The following ANO3 variants were observed in gnomAD, a reference collection of about 807,000 sequenced individuals.
ANO3 encodes anoctamin-3.
In ANO3, 99 loss-of-function variants were observed where a neutral mutation model predicts 144.8. The ratio of observed to expected loss-of-function variants is 0.68; its 90% CI spans 0.58 to 0.81. The LOEUF is 0.81. Ranked by LOEUF, ANO3 falls within the 30% of genes least tolerant of loss-of-function variation. The pLI is 0.00. For missense variants in ANO3, 905 were observed against 1,202.2 expected (o/e 0.75, Z 3.66); for synonymous variants, 414 against 392.6 (o/e 1.05, Z -0.64).
At chr11:26,498,317 A>T (rs1861048690) in intron 4 of ANO3, among the ~76,000 whole-genome samples, 1 of 151,860 alleles carries the variant, frequency 6.6e-6, no homozygotes, top group African/African-American at 2.4e-5. Flanking sequence ...TATGATTCAC[A>T]GAGTGTTCAA....
chr11:26,280,306 T>C lies in ANO3; in HGVS notation c.155-29339T>C, dbSNP rs533062389. ...ATTCCTAAATCCTAGTGTATTAAGG[T>C]TCTCTAGCAGGACAGAACTAATAGG... On this transcript the variant is annotated intron_variant, in intron 1 of 27. Coordinates refer to the ANO3 transcript ENST00000672621. Among the ~76,000 whole-genome samples, 11 of 152,204 alleles carry C rather than the reference T, an allele frequency of 7.2e-5. 1 individual carries two copies. In the South Asian group the frequency reaches 1.9e-3, roughly 26 times the overall value.
chr11:26,282,606 A>G (rs1853705037), intron 1 of ANO3, among the ~76,000 whole-genome samples: 1 of 152,116 alleles, frequency 6.6e-6, no homozygotes, highest in Non-Finnish European at 1.5e-5. Context: ...GGAATTGTGT[A>G]GGCCATTTTG....
At chr11:26,365,954 TTATATATATATATATATA>T (rs1158168765) in intron 1 of ANO3, among the ~76,000 whole-genome samples, 34 of 54,404 alleles carry the variant, frequency 6.2e-4, no homozygotes, top group African/African-American at 1.0e-3. Flanking sequence ...CATTTTTTCT[TTATATATATATATATATA>T]TATATATATA....
intron 1 of ANO3, among the ~76,000 whole-genome samples, chr11:26,189,968 A>C (rs554284353): frequency 6.6e-6 from 1 of 152,258 alleles, no homozygotes; most frequent in Non-Finnish European, 1.5e-5. Flanking sequence ...CATTCATCAA[A>C]AAATTCTGAG....
chr11:26,310,581 G>A (rs547702312), intron 1 of ANO3, among the ~76,000 whole-genome samples: 5 of 152,150 alleles, frequency 3.3e-5, no homozygotes, highest in African/African-American at 1.2e-4. Flanking sequence ...TGACTGACTC[G>A]CCTTGCCTTG....
intron 13 of ANO3, among the ~76,000 whole-genome samples, chr11:26,553,607 A>G (rs1850000796): frequency 6.6e-6 from 1 of 152,160 alleles, no homozygotes; most frequent in Non-Finnish European, 1.5e-5. Context: ...ATGTAATTAT[A>G]TCTAGATTCT....
chr11:26,280,944 T>C (rs1853664582), intron 1 of ANO3, among the ~76,000 whole-genome samples: 1 of 152,192 alleles, frequency 6.6e-6, no homozygotes, highest in African/African-American at 2.4e-5. Flanking sequence ...GCCAGAGATC[T>C]GACAGGCTCA....
intron 17 of ANO3, among the ~76,000 whole-genome samples, chr11:26,607,058 A>T (rs1429516599): frequency 6.6e-6 from 1 of 151,922 alleles, no homozygotes; most frequent in Non-Finnish European, 1.5e-5. Flanking sequence ...GAAATTCCAT[A>T]TGATATTATA....
intron 1 of ANO3, among the ~76,000 whole-genome samples, chr11:26,273,305 A>C (rs1197914134): frequency 1.3e-5 from 2 of 151,342 alleles, no homozygotes; most frequent in African/African-American, 4.9e-5. Flanking sequence ...AAGGCATCCA[A>C]GTGGTCTATT....
intron 17 of ANO3, among the ~76,000 whole-genome samples, chr11:26,614,078 TC>T: frequency 6.6e-6 from 1 of 152,312 alleles, no homozygotes; most frequent in Admixed American, 6.5e-5. Flanking sequence ...TAGCAAGCTG[TC>T]CTGGGGATAC....
At chr11:26,233,521 G>C (rs528811365) in intron 1 of ANO3, among the ~76,000 whole-genome samples, 1 of 152,196 alleles carries the variant, frequency 6.6e-6, no homozygotes, top group Non-Finnish European at 1.5e-5. Flanking sequence ...AACCATTGTG[G>C]AAGACAGTGT....
intron 1 of ANO3, among the ~76,000 whole-genome samples, chr11:26,283,321 AATATATATATATATAT>A (rs58419788): frequency 3.7e-4 from 18 of 49,134 alleles, no homozygotes; most frequent in South Asian, 3.0e-3. Flanking sequence ...CAAATAAATA[AATATATATATATATAT>A]ATATATATAT....
At chr11:26,197,773 G>T (rs891008509) in intron 1 of ANO3, among the ~76,000 whole-genome samples, 1 of 152,104 alleles carries the variant, frequency 6.6e-6, no homozygotes. Context: ...TTCCCCTACC[G>T]CTTCTTTCTA....
chr11:26,308,137 G>A (rs928930993), upstream of ANO3, among the ~76,000 whole-genome samples: 1 of 152,062 alleles, frequency 6.6e-6, no homozygotes, highest in East Asian at 1.9e-4. Context: ...CATGTTGATG[G>A]CACAATTGGC....
chr11:26,553,156 G>C (rs936350771), intron 12 of ANO3, 93 bp from the exon 13 acceptor site: 23 of 906,104 alleles, frequency 2.5e-5, no homozygotes, highest in Middle Eastern at 2.5e-4. Flanking sequence ...TGCCTTGCTG[G>C]TTCCAACAGG....
intron 1 of ANO3, among the ~76,000 whole-genome samples, chr11:26,196,043 G>A (rs571069309): frequency 1.4e-4 from 21 of 152,086 alleles, no homozygotes; most frequent in African/African-American, 5.1e-4. Context: ...CCAGATTCCT[G>A]GGCCATTCAT....
At chr11:26,584,689 A>C (rs1851229051) in intron 14 of ANO3, among the ~76,000 whole-genome samples, 1 of 152,244 alleles carries the variant, frequency 6.6e-6, no homozygotes, top group Non-Finnish European at 1.5e-5. Context: ...AAAGTGCTGA[A>C]GATGCACAAG....
At chr11:26,567,248 C>CG in intron 14 of ANO3, 3 of 630,658 alleles carry the variant, frequency 4.8e-6, no homozygotes, top group Non-Finnish European at 7.1e-6. Flanking sequence ...AAAAAATAGA[C>CG]TTTTTTTTCC....
chr11:26,297,505 C>T (rs16915437), intron 1 of ANO3, among the ~76,000 whole-genome samples: 6,612 of 152,210 alleles, frequency 0.043, 480 homozygotes, highest in African/African-American at 0.15. Context: ...CTAATGTAGA[C>T]ATTTCAGACA....
Sources: allele counts gnomAD v4.1 joint callset (sites outside exome capture counted in the v4.1 genomes callset), GRCh38; gene constraint gnomAD v4.1.1; transcripts MANE v1.5; gene names NCBI Gene and HGNC (gene_info 2026-07-23, HGNC 2026-07-21).